GTF2B: variants seen among roughly 807,000 people sequenced by gnomAD.
GTF2B encodes the protein general transcription factor IIB.
Under a neutral mutation model 34.6 loss-of-function variants are expected in GTF2B, and 20 were observed. The ratio of observed to expected loss-of-function variants is 0.58; its 90% confidence interval spans 0.41 to 0.84. GTF2B has a LOEUF of 0.84. Ranked by LOEUF, GTF2B falls within the 40% of genes least tolerant of loss-of-function variation. The probability of loss-of-function intolerance (pLI) is 0.00; values close to 1 mark genes in which losing one functional copy is unlikely to be tolerated. For synonymous variants in GTF2B, 142 were observed against 132.4 expected, an observed-to-expected ratio of 1.07 and a Z score of -0.50; for missense variants, 237 against 393.3, an observed-to-expected ratio of 0.60 and a Z score of 3.36.
chr1:88,871,710 TATAAA>T (rs1557657411), intron 2 of GTF2B, among the ~76,000 whole-genome samples: 1 of 152,212 alleles, frequency 6.6e-6, no homozygotes, highest in Non-Finnish European at 1.5e-5. Flanking sequence ...TATAAAGTCG[TATAAA>T]AGACTGCTCT....
At position 88,856,496 on chromosome 1, in the gene GTF2B, A is replaced by C. The variant is rs144657992; in HGVS notation, c.817+710T>G. ...AAGGCTGATGGCCAACACGTATTTT[A>C]CAGTGTGTCTATCTGTAGAATCCCA... On this transcript the variant is annotated intron_variant, in intron 6 of 6. Transcript: ENST00000370500. Among the ~76,000 whole-genome samples, 14 of 152,226 alleles carry C rather than the reference A, an allele frequency of 9.2e-5. No homozygotes were observed. In the East Asian group the frequency reaches 2.5e-3, roughly 27 times the overall value.
At chr1:88,856,958 A>G (rs1673327207) in intron 6 of GTF2B, among the ~76,000 whole-genome samples, 1 of 151,640 alleles carries the variant, frequency 6.6e-6, no homozygotes, top group Non-Finnish European at 1.5e-5. Context: ...CCACCACCAC[A>G]CCCAGCTAAT....
chr1:88,860,355 A>AAT, intron 3 of GTF2B, 69 bp from the exon 4 acceptor site: 1 of 1,087,468 alleles, frequency 9.2e-7, no homozygotes, highest in Non-Finnish European at 1.4e-6. Context: ...TTTCTATGAA[A>AAT]ATATAGCTTA....
chr1:88,854,916 C>T (rs1390851772), intron 6 of GTF2B, among the ~76,000 whole-genome samples: 1 of 152,202 alleles, frequency 6.6e-6, no homozygotes, highest in African/African-American at 2.4e-5. Flanking sequence ...TTTTAAATTT[C>T]CGTATCTCAC....
At chr1:88,856,261 T>C (rs569801281) in intron 6 of GTF2B, among the ~76,000 whole-genome samples, 1 of 103,972 alleles carries the variant, frequency 9.6e-6, no homozygotes, top group African/African-American at 3.8e-5. Context: ...AGAGGGAGAC[T>C]GTTTCAAAAA....
intron 3 of GTF2B, among the ~76,000 whole-genome samples, chr1:88,862,813 T>C (rs1178123378): frequency 3.9e-5 from 6 of 152,054 alleles, no homozygotes; most frequent in South Asian, 2.1e-4. Context: ...CAGCTACTTT[T>C]TGTATTTTTA....
intron 1 of GTF2B, 93 bp downstream of exon 1, chr1:88,891,390 G>A (rs1674203621): frequency 1.4e-5 from 13 of 908,362 alleles, no homozygotes; most frequent in South Asian, 1.2e-4. Context: ...ACCCCTAGGC[G>A]CTCAGCCCTA....
At chr1:88,885,090 A>G (rs1674031208) in intron 2 of GTF2B, among the ~76,000 whole-genome samples, 1 of 151,682 alleles carries the variant, frequency 6.6e-6, no homozygotes, top group Non-Finnish European at 1.5e-5. Context: ...TGTAATGTGA[A>G]AAGAGTCATA....
At chr1:88,881,776 C>G (rs1238785823) in intron 2 of GTF2B, among the ~76,000 whole-genome samples, 1 of 152,006 alleles carries the variant, frequency 6.6e-6, no homozygotes, top group East Asian at 1.9e-4. Flanking sequence ...TTTCAGATCT[C>G]AAGATTTAAC....
chr1:88,884,328 A>G (rs1477541528), intron 2 of GTF2B, among the ~76,000 whole-genome samples: 1 of 152,046 alleles, frequency 6.6e-6, no homozygotes, highest in Non-Finnish European at 1.5e-5. Context: ...ACCTCGCCCA[A>G]CACTGACTTC....
At chr1:88,890,157 T>TAAAAA (rs58132302) in intron 1 of GTF2B, among the ~76,000 whole-genome samples, 1 of 141,310 alleles carries the variant, frequency 7.1e-6, no homozygotes, top group African/African-American at 2.6e-5. Flanking sequence ...ATGATAGAAT[T>TAAAAA]AAAAAAAAAA....
intron 1 of GTF2B, among the ~76,000 whole-genome samples, chr1:88,890,926 G>A (rs987518748): frequency 1.3e-5 from 2 of 151,956 alleles, no homozygotes; most frequent in African/African-American, 4.8e-5. Context: ...CAACTCTTCC[G>A]ATGGCTCTAG....
chr1:88,873,901 A>G (rs1182976038), intron 2 of GTF2B, among the ~76,000 whole-genome samples: 7 of 152,356 alleles, frequency 4.6e-5, no homozygotes, highest in Non-Finnish European at 2.9e-5. Context: ...AGCCACATAC[A>G]TGCCCATGTA....
At chr1:88,878,843 T>A (rs1673868678) in intron 2 of GTF2B, among the ~76,000 whole-genome samples, 1 of 152,110 alleles carries the variant, frequency 6.6e-6, no homozygotes, top group South Asian at 2.1e-4. Context: ...GTAAGACAAC[T>A]ATGGAGAAGC....
chr1:88,891,333 G>A, intron 1 of GTF2B, 150 bp downstream of exon 1: 4 of 602,306 alleles, frequency 6.6e-6, no homozygotes, highest in South Asian at 6.5e-5. Flanking sequence ...CCGTCTGGAA[G>A]TGCCTTTGTC....
intron 2 of GTF2B, among the ~76,000 whole-genome samples, chr1:88,868,972 C>T (rs1673626274): frequency 6.6e-6 from 1 of 152,098 alleles, no homozygotes; most frequent in Non-Finnish European, 1.5e-5. Context: ...ATCTCCTGAC[C>T]TCGTGATCCG....
intron 2 of GTF2B, 132 bp downstream of exon 2, chr1:88,887,129 G>A: frequency 3.5e-6 from 2 of 575,292 alleles, no homozygotes; most frequent in Non-Finnish European, 3.2e-6. Context: ...ATGTTGGTCA[G>A]GCTGGTCTCG....
chr1:88,887,227 A>G (rs750782681), intron 2 of GTF2B, 34 bp downstream of exon 2: 8 of 1,361,560 alleles, frequency 5.9e-6, no homozygotes, highest in Non-Finnish European at 8.4e-6. Context: ...CCTCCTGAAC[A>G]GTAATTTAAA....
chr1:88,858,185 G>C (rs1673361243), intron 5 of GTF2B, among the ~76,000 whole-genome samples: 1 of 151,956 alleles, frequency 6.6e-6, no homozygotes, highest in African/African-American at 2.4e-5. Flanking sequence ...ATTTTTAGTA[G>C]AGATGGGGTT....
Sources: gnomAD v4.1 joint callset for allele counts (sites outside exome capture counted in the v4.1 genomes callset) on GRCh38, gnomAD v4.1.1 for gene constraint, MANE v1.5 for transcripts, NCBI Gene and HGNC (gene_info 2026-07-23, HGNC 2026-07-21) for gene names.